The following CAMK2A variants were observed in gnomAD, a reference collection of about 807,000 sequenced individuals.
The protein encoded by CAMK2A is calcium/calmodulin dependent protein kinase II alpha.
CAMK2A carries 7 observed loss-of-function variants against 79.2 expected under a neutral mutation model. That is an observed-to-expected ratio of 0.09 (90% CI 0.05 to 0.17). The LOEUF is 0.17. CAMK2A is among the 10% of genes least tolerant of loss of function. The probability of loss-of-function intolerance (pLI) is 1.00; values close to 1 mark genes in which losing one functional copy is unlikely to be tolerated. For missense variants in CAMK2A, 214 were observed against 646.4 expected, an observed-to-expected ratio of 0.33 and a Z score of 7.25; for synonymous variants, 242 against 251.7, an observed-to-expected ratio of 0.96 and a Z score of 0.36.
intron 1 of CAMK2A, among the ~76,000 whole-genome samples, chr5:150,279,981 A>C (rs1757142002): frequency 6.6e-6 from 1 of 152,224 alleles, no homozygotes; most frequent in African/African-American, 2.4e-5. Flanking sequence ...AGCCAAGTGC[A>C]GCTCCAGCAG....
At chr5:150,245,310 C>T (rs1755516847) in intron 12 of CAMK2A, 109 bp from the exon 13 acceptor site, 2 of 965,660 alleles carry the variant, frequency 2.1e-6, no homozygotes, top group Non-Finnish European at 3.2e-6. Flanking sequence ...CTGCAGGGAG[C>T]AGAGCTGGCC....
chr5:150,279,797 G>A (rs967915866), intron 1 of CAMK2A, among the ~76,000 whole-genome samples: 8 of 152,344 alleles, frequency 5.3e-5, no homozygotes, highest in South Asian at 4.1e-4. Context: ...CAGTGGGTCC[G>A]GCGCATGGCT....
In CAMK2A at chr5:150,220,540, C is replaced by T. The variant is rs939297868; in HGVS notation, c.*2170G>A. 1 of 152,466 alleles carries T rather than the reference C, an allele frequency of 6.6e-6. No individual in the cohort carries two copies. Among genetic ancestry groups the T allele is most frequent in the South Asian group, 2.1e-4 (1 of 4,822 alleles). 9.4% of individuals were successfully genotyped at this position (152,466 alleles called of 1,614,324 possible). On this transcript the variant is annotated 3_prime_UTR_variant, in exon 19 of 19. Transcript: ENST00000671881. ...ACTGAGGCTGAAGAAGAGCTCAGACCTTGCTCGGTAATTACAGCAGCCCCT... is the reference window on the plus strand; with the variant it reads ...ACTGAGGCTGAAGAAGAGCTCAGACTTTGCTCGGTAATTACAGCAGCCCCT...
chr5:150,238,079 A>T (rs1288807963), intron 15 of CAMK2A, among the ~76,000 whole-genome samples: 2 of 152,232 alleles, frequency 1.3e-5, no homozygotes, highest in African/African-American at 4.8e-5. Flanking sequence ...CAAAAGGAAC[A>T]TGTATACCAT....
At chr5:150,278,138 G>A (rs958452991) in intron 1 of CAMK2A, among the ~76,000 whole-genome samples, 3 of 152,090 alleles carry the variant, frequency 2.0e-5, no homozygotes, top group African/African-American at 7.2e-5. Flanking sequence ...TGGGTTTGTT[G>A]GGGAGATTAA....
intron 2 of CAMK2A, chr5:150,265,244 G>A (rs2304042): frequency 0.26 from 137,329 of 520,436 alleles, 19,905 homozygotes; most frequent in South Asian, 0.39. Flanking sequence ...CGCCCTCTCT[G>A]GCCTCCGTTT....
Position 150,223,509 on chromosome 5 carries a change from T to C in CAMK2A, c.1238-292A>G, listed in dbSNP as rs1214168015. On this transcript the variant is annotated intron_variant, in intron 17 of 18. Coordinates refer to ENST00000671881, the MANE Select transcript of CAMK2A (RefSeq NM_015981.4). This position sits in a 1 kb window ranked among gnomAD's most constrained non-coding sequence, Gnocchi z 4.1. The stretch of plus-strand genomic sequence containing the variant: ...GACCGTTAGCCACATGGAATAAGCC[T>C]AGAGGATCATAGAACCAGAAGAGCT... Among the ~76,000 whole-genome samples the C allele has an allele frequency of 6.6e-6, 1 of 152,146 alleles. No homozygotes were observed. The highest frequency in any genetic ancestry group is 1.5e-5 in the Non-Finnish European group (1 of 68,026).
chr5:150,284,091 T>C lies in CAMK2A; in HGVS notation c.62+5473A>G, dbSNP rs1289125718. 6.6e-6 allele frequency among the ~76,000 whole-genome samples: 1 copy of C among 151,878 alleles called. No homozygotes were observed. The highest frequency in any genetic ancestry group is 1.5e-5 in the Non-Finnish European group (1 of 67,964). The stretch of plus-strand genomic sequence containing the variant: ...GTGCCACAGAGAAGCTCCAAGAGAA[T>C]GCCACAGGTGGTTCACATGCAGAAG... On this transcript the variant is annotated intron_variant, in intron 1 of 18. Transcript: ENST00000671881. The surrounding 1 kb of genome is among the most constrained non-coding windows in gnomAD (Gnocchi z 5.3).
chr5:150,265,312 CT>C (rs1756467505), intron 2 of CAMK2A: 1 of 384,760 alleles, frequency 2.6e-6, no homozygotes, highest in Admixed American at 3.6e-5. Flanking sequence ...TCCTCAGGCC[CT>C]ATACTCTAGC....
chr5:150,222,872 C>G, intron 18 of CAMK2A, 117 bp downstream of exon 18: 1 of 1,376,684 alleles, frequency 7.3e-7, no homozygotes, highest in Non-Finnish European at 1.0e-6. Flanking sequence ...GGGGTCTCCC[C>G]ACCCCACTCT....
intron 10 of CAMK2A, 88 bp downstream of exon 10, chr5:150,250,600 G>A (rs1755788830): frequency 6.4e-7 from 1 of 1,550,676 alleles, no homozygotes; most frequent in African/African-American, 1.4e-5. Flanking sequence ...TGGCCCCATG[G>A]GCCAGGGGAA....
At chr5:150,254,088 A>C (rs1167925599) in intron 6 of CAMK2A, among the ~76,000 whole-genome samples, 2 of 151,978 alleles carry the variant, frequency 1.3e-5, no homozygotes, top group Non-Finnish European at 2.9e-5. Context: ...CCAAGCTTCA[A>C]AGTGGCCCCT....
intron 17 of CAMK2A, among the ~76,000 whole-genome samples, chr5:150,226,042 G>T (rs113773485): frequency 0.056 from 8,537 of 152,134 alleles, 813 homozygotes; most frequent in African/African-American, 0.19. Flanking sequence ...CACCGCACCC[G>T]GCCGAGAATT....
Position 150,250,674 on chromosome 5 carries a change from T to C in CAMK2A, c.816+14A>G. On this transcript the variant is annotated intron_variant, in intron 10 of 18. Transcript: ENST00000671881. The stretch of plus-strand genomic sequence containing the variant: ...GAGGGGCTCCTGGGAGAAGTCCTGC[T>C]GAGGAAGGCTCACCGAGATCCAGGG... 6.2e-7 allele frequency: 1 copy of C among 1,613,432 alleles called. No homozygotes were observed. The highest frequency in any genetic ancestry group is 8.5e-7 in the Non-Finnish European group (1 of 1,179,676).
intron 1 of CAMK2A, among the ~76,000 whole-genome samples, chr5:150,279,153 C>G (rs74778717): frequency 0.06 from 9,202 of 152,232 alleles, 737 homozygotes; most frequent in African/African-American, 0.18. Context: ...ATGCACACAC[C>G]CTGAGCTGTC....
chr5:150,255,456 C>A (rs1756015717), intron 6 of CAMK2A, among the ~76,000 whole-genome samples: 1 of 152,256 alleles, frequency 6.6e-6, no homozygotes, highest in Admixed American at 6.5e-5. Context: ...AAATCACACT[C>A]CGGGAGGACC....
chr5:150,236,712 G>A (rs1284423154), intron 15 of CAMK2A, among the ~76,000 whole-genome samples: 4 of 152,194 alleles, frequency 2.6e-5, no homozygotes, highest in Non-Finnish European at 5.9e-5. Context: ...TCAAATAAGG[G>A]GAACAGCTTA....
chr5:150,238,612 G>A (rs920507221), intron 15 of CAMK2A, 88 bp downstream of exon 15: 14 of 1,241,700 alleles, frequency 1.1e-5, no homozygotes, highest in Non-Finnish European at 1.4e-5. Flanking sequence ...AAATGAGGTT[G>A]GCACGTGGGA....
At chr5:150,270,826 G>A (rs1269317677) in intron 2 of CAMK2A, among the ~76,000 whole-genome samples, 2 of 152,134 alleles carry the variant, frequency 1.3e-5, no homozygotes, top group African/African-American at 4.8e-5. Flanking sequence ...GTGACTGTCT[G>A]GCATAGCCCA....
Sources: allele counts gnomAD v4.1 joint callset (sites outside exome capture counted in the v4.1 genomes callset), GRCh38; gene constraint gnomAD v4.1.1; non-coding constraint Gnocchi (gnomAD v3.1); transcripts MANE v1.5; gene names NCBI Gene and HGNC (gene_info 2026-07-23, HGNC 2026-07-21).